Variants in PSMD1 observed in about 807,000 individuals in gnomAD.
PSMD1 encodes 26S proteasome non-ATPase regulatory subunit 1.
A neutral mutation model predicts 119.0 loss-of-function variants in PSMD1; 18 were observed. The ratio of observed to expected loss-of-function variants is 0.15; its 90% CI spans 0.10 to 0.22. The LOEUF is 0.22. Among genes scored for constraint, PSMD1 ranks in the 10% least tolerant of loss-of-function variants. The pLI is 1.00. For synonymous variants in PSMD1, 374 were observed against 396.6 expected (o/e 0.94, Z 0.68); for missense variants, 702 against 1,158.5 (o/e 0.61, Z 5.72).
chr2:231,113,963 T>A, intron 16 of PSMD1: 2 of 1,561,042 alleles, frequency 1.3e-6, no homozygotes, highest in Non-Finnish European at 1.8e-6. Flanking sequence ...AACATTTTAT[T>A]CTATAAAATG....
At chr2:231,152,551 G>T (rs2125259146) in intron 18 of PSMD1, among the ~76,000 whole-genome samples, 1 of 152,268 alleles carries the variant, frequency 6.6e-6, no homozygotes, top group South Asian at 2.1e-4. Context: ...TATAAGAACA[G>T]CTTATAAGCC....
In PSMD1 at chr2:231,165,856, A is replaced by C; in HGVS notation, c.2569-15A>C. On this transcript the variant is annotated splice_polypyrimidine_tract_variant and intron_variant, in intron 22 of 24. Transcript: ENST00000308696. ...ATGAACTTCTGTTGAACTTTTTTTAAATTTTATTTTATAGGATGAGGCAGA... is the reference window on the plus strand; with the variant it reads ...ATGAACTTCTGTTGAACTTTTTTTACATTTTATTTTATAGGATGAGGCAGA... 6.4e-7 allele frequency: 1 copy of C among 1,566,214 alleles called. No homozygotes were observed. The highest frequency in any genetic ancestry group is 8.7e-7 in the Non-Finnish European group (1 of 1,155,272).
chr2:231,152,118 G>A (rs962282072), intron 18 of PSMD1, among the ~76,000 whole-genome samples: 3 of 151,910 alleles, frequency 2.0e-5, no homozygotes, highest in African/African-American at 2.4e-5. Context: ...ACCCGGCCAC[G>A]TGAGAATTTT....
intron 16 of PSMD1, 21 bp from the exon 17 acceptor site, chr2:231,138,715 T>C (rs758868327): frequency 1.3e-6 from 2 of 1,568,310 alleles, no homozygotes; most frequent in Non-Finnish European, 8.8e-7. Context: ...AACAGTGGCT[T>C]CGCTTTCTGT....
chr2:231,142,936 A>G (rs1696160574), intron 17 of PSMD1, among the ~76,000 whole-genome samples: 1 of 152,204 alleles, frequency 6.6e-6, no homozygotes, highest in South Asian at 2.1e-4. Context: ...ATGTAGAGGA[A>G]TCCAAAGTCA....
intron 2 of PSMD1, 94 bp downstream of exon 2, chr2:231,061,404 G>C: frequency 9.3e-7 from 1 of 1,070,076 alleles, no homozygotes; most frequent in African/African-American, 1.6e-5. Context: ...ATTTAAAGTT[G>C]CTGTCCTAGC....
At chr2:231,125,778 G>A (rs1231136464) in intron 16 of PSMD1, among the ~76,000 whole-genome samples, 1 of 152,180 alleles carries the variant, frequency 6.6e-6, no homozygotes, top group Non-Finnish European at 1.5e-5. Flanking sequence ...GACTAGCTTA[G>A]TATTAGAACC....
In PSMD1 at chr2:231,057,054, C is replaced by T. The variant is rs1349165379; in HGVS notation, c.16+13C>T. The T allele has an allele frequency of 5.3e-6, 8 of 1,519,264 alleles. No homozygotes were observed. Among genetic ancestry groups the T allele is most frequent in the Non-Finnish European group, 7.0e-6 (8 of 1,135,836 alleles). The allele number at this position is 1,519,264 out of a possible 1,614,324, so 94.1% of individuals were successfully genotyped here. A position where few individuals can be genotyped will look rare whatever the true frequency, so the allele number is the denominator to read the frequency against. The stretch of plus-strand genomic sequence containing the variant: ...ATCACCTCGGCCGGTGAGTGCGGCC[C>T]GTAGCCAGCGCCTGGAGGGAGGAGC... On this transcript the variant is annotated intron_variant, in intron 1 of 24. Transcript: ENST00000308696.
At chr2:231,057,846 G>T (rs941614783) in intron 1 of PSMD1, among the ~76,000 whole-genome samples, 1 of 152,230 alleles carries the variant, frequency 6.6e-6, no homozygotes, top group Admixed American at 6.5e-5. Flanking sequence ...AGATTGACTT[G>T]CATATAGCTG....
At chr2:231,082,812 T>C in intron 12 of PSMD1, 71 bp from the exon 13 acceptor site, 2 of 1,145,912 alleles carry the variant, frequency 1.7e-6, no homozygotes, top group Non-Finnish European at 2.6e-6. Flanking sequence ...AACTGTATTT[T>C]GAAATTAGAA....
chr2:231,097,598 C>A (rs184695989), intron 16 of PSMD1, among the ~76,000 whole-genome samples: 1 of 152,238 alleles, frequency 6.6e-6, no homozygotes, highest in East Asian at 1.9e-4. Flanking sequence ...GTTAATAAAT[C>A]GCTGCTGGTT....
chr2:231,144,418 A>AT (rs751682132), intron 17 of PSMD1, among the ~76,000 whole-genome samples: 1,609 of 75,150 alleles, frequency 0.021, 98 homozygotes, highest in East Asian at 0.036. Flanking sequence ...CGCCCAGCTA[A>AT]TTTTTTTTTT....
intron 17 of PSMD1, among the ~76,000 whole-genome samples, chr2:231,142,514 G>T (rs573890089): frequency 6.6e-6 from 1 of 152,124 alleles, no homozygotes; most frequent in South Asian, 2.1e-4. Context: ...TTGAAACACA[G>T]CATCTGACAA....
At chr2:231,109,673 A>G (rs1695089699) in intron 16 of PSMD1, among the ~76,000 whole-genome samples, 1 of 152,206 alleles carries the variant, frequency 6.6e-6, no homozygotes, top group South Asian at 2.1e-4. Flanking sequence ...TATATCCATG[A>G]TACAGTGGAG....
chr2:231,138,855 A>G lies in PSMD1; in HGVS notation c.1998+5A>G. ...TGTGCTGGTACAGGAAACAAGGTAAAGCCCACAGCCAATGGGGTCAGTTCT... is the reference window on the plus strand; with the variant it reads ...TGTGCTGGTACAGGAAACAAGGTAAGGCCCACAGCCAATGGGGTCAGTTCT... On this transcript the variant is annotated splice_donor_5th_base_variant and intron_variant, in intron 17 of 24. Coordinates refer to ENST00000308696, the MANE Select transcript of PSMD1 (RefSeq NM_002807.4). 6.2e-7 allele frequency: 1 copy of G among 1,605,228 alleles called. No homozygotes were observed. The highest frequency in any genetic ancestry group is 8.5e-7 in the Non-Finnish European group (1 of 1,171,898).
chr2:231,093,400 G>C (rs927945438), intron 16 of PSMD1, among the ~76,000 whole-genome samples: 4 of 152,128 alleles, frequency 2.6e-5, no homozygotes, highest in African/African-American at 9.7e-5. Flanking sequence ...GGTAAAGTCC[G>C]GGGCTTGTGT....
intron 16 of PSMD1, chr2:231,108,744 T>G (rs1695046537): frequency 6.2e-7 from 1 of 1,613,672 alleles, no homozygotes; most frequent in Admixed American, 1.7e-5. Flanking sequence ...TTTCTGAGAG[T>G]TTTTACTGAC....
At position 231,153,642 on chromosome 2, in the gene PSMD1, C is replaced by A. The variant is rs777063394; in HGVS notation, c.2194C>A (p.Leu732Met). 1 of 1,612,622 alleles carries A rather than the reference C, an allele frequency of 6.2e-7. No individual in the cohort carries two copies. Residue 732 changes from leucine to methionine, a missense_variant, in exon 19 of 25, where the codon CTG becomes ATG. By Grantham distance (15) the Leu-to-Met change is conservative (BLOSUM62 2). This residue lies in a region of PSMD1 where 272 missense variants were observed against 511.6 expected (regional missense o/e 0.53). Coordinates refer to ENST00000308696, the MANE Select transcript of PSMD1 (RefSeq NM_002807.4). ...TGTCATGGCCAAGTTTGGCGCTATT[C>A]TGGCCCAGGGCATACTGGATGCAGG... ...DDVMAKFGAILAQGILDAGGH... is the reference protein window; with the variant it reads ...DDVMAKFGAIMAQGILDAGGH...
intron 9 of PSMD1, 101 bp from the exon 10 acceptor site, chr2:231,078,558 C>A: frequency 1.4e-6 from 1 of 690,808 alleles, no homozygotes; most frequent in Non-Finnish European, 2.2e-6. Flanking sequence ...TCAGTTTGTT[C>A]ATGCTTTTAC....
Sources: allele counts gnomAD v4.1 joint callset (sites outside exome capture counted in the v4.1 genomes callset), GRCh38; gene constraint gnomAD v4.1.1; regional missense constraint gnomAD v4.1.1; transcripts MANE v1.5; gene names NCBI Gene and HGNC (gene_info 2026-07-23, HGNC 2026-07-21).